The following IFT52 variants were observed in gnomAD, a reference collection of about 807,000 sequenced individuals.
IFT52 encodes intraflagellar transport protein 52 homolog.
IFT52 carries 44 observed loss-of-function variants against 54.4 expected under a neutral mutation model. That is an observed-to-expected ratio of 0.81 (90% CI 0.63 to 1.04). The LOEUF is 1.04. Ranked by LOEUF, IFT52 falls within the 50% of genes least tolerant of loss-of-function variation. The pLI, the probability that IFT52 is intolerant of heterozygous loss-of-function variation, is 0.00. For missense variants in IFT52, 452 were observed against 523.6 expected (o/e 0.86, Z 1.33); for synonymous variants, 181 against 185.3 (o/e 0.98, Z 0.19).
chr20:43,597,629 C>G (rs1357201847), intron 3 of IFT52, among the ~76,000 whole-genome samples: 7 of 152,090 alleles, frequency 4.6e-5, no homozygotes, highest in Non-Finnish European at 8.8e-5. Flanking sequence ...TGTGGTGGCC[C>G]ACGCCTGTAA....
At chr20:43,639,172 A>G (rs775940638) in intron 12 of IFT52, among the ~76,000 whole-genome samples, 5 of 151,278 alleles carry the variant, frequency 3.3e-5, no homozygotes, top group South Asian at 2.1e-4. Flanking sequence ...TGGTCCATCC[A>G]TCATTAGGGG....
chr20:43,604,836 G>A (rs984414172), intron 5 of IFT52, among the ~76,000 whole-genome samples, 166 bp from the exon 6 acceptor site: 8 of 151,908 alleles, frequency 5.3e-5, no homozygotes, highest in African/African-American at 1.9e-4. Context: ...GTCTTGCTCT[G>A]TTGCTCAGGC....
At position 43,591,014 on chromosome 20, in the gene IFT52, T is replaced by C. The variant is rs1483860358; in HGVS notation, c.-47T>C. The C allele has an allele frequency of 6.6e-6, 1 of 152,258 alleles. No homozygotes were observed. Among genetic ancestry groups the C allele is most frequent in the Non-Finnish European group, 1.5e-5 (1 of 68,062 alleles). 9.4% of individuals were successfully genotyped at this position (152,258 alleles called of 1,614,324 possible). On this transcript the variant is annotated 5_prime_UTR_variant, in exon 1 of 14. The change abolishes an upstream ATG in the 5' untranslated region. Transcript: ENST00000373030. ...CGGCCTTGGATACCTGGCCGCGGGA[T>C]GCTGGGCGGCGTCAGGTGAGCGGTG...
intron 10 of IFT52, among the ~76,000 whole-genome samples, chr20:43,624,446 C>T (rs1984575230): frequency 6.6e-6 from 1 of 152,116 alleles, no homozygotes. Context: ...ACTTAGAATG[C>T]AGGAAAAGGA....
intron 3 of IFT52, among the ~76,000 whole-genome samples, chr20:43,602,733 C>T (rs1039184637): frequency 4.6e-5 from 7 of 152,134 alleles, no homozygotes; most frequent in Non-Finnish European, 7.3e-5. Flanking sequence ...TGGTCTCGAA[C>T]TCCTCACCTC....
At chr20:43,633,666 C>T (rs1985331450) in intron 10 of IFT52, among the ~76,000 whole-genome samples, 1 of 152,038 alleles carries the variant, frequency 6.6e-6, no homozygotes, top group Non-Finnish European at 1.5e-5. Flanking sequence ...TGAGATTGCA[C>T]CACTGCACTC....
chr20:43,607,269 C>T (rs1982993277), intron 6 of IFT52, among the ~76,000 whole-genome samples: 1 of 151,510 alleles, frequency 6.6e-6, no homozygotes, highest in African/African-American at 2.4e-5. Flanking sequence ...GGGCTGACCC[C>T]CCCACCTCCC....
chr20:43,603,992 G>A lies in IFT52; in HGVS notation c.337+103G>A, dbSNP rs566458747. 3 of 973,370 alleles carry A rather than the reference G, an allele frequency of 3.1e-6. No individual in the cohort carries two copies. The East Asian group carries it at 7.5e-5, about 24-fold the overall frequency. 60.3% of individuals were successfully genotyped at this position (973,370 alleles called of 1,614,324 possible). A position where few individuals can be genotyped will look rare whatever the true frequency, so the allele number is the denominator to read the frequency against. ...GGCATAATGGAAAAAGCCCTGGGCT[G>A]TGTGTGCGTGTTTTAATGTTCCATT... On this transcript the variant is annotated intron_variant, in intron 4 of 13. Transcript: ENST00000373030.
chr20:43,591,991 G>T (rs1038087163), intron 1 of IFT52, among the ~76,000 whole-genome samples: 4 of 152,204 alleles, frequency 2.6e-5, no homozygotes, highest in Non-Finnish European at 5.9e-5. Flanking sequence ...TATAGGCGAG[G>T]TGGTACTGTA....
At chr20:43,610,968 T>G (rs1482853004) in intron 6 of IFT52, among the ~76,000 whole-genome samples, 7 of 152,198 alleles carry the variant, frequency 4.6e-5, no homozygotes, top group Non-Finnish European at 1.0e-4. Flanking sequence ...TGTTGGAAAA[T>G]TTCAGTAAGG....
At chr20:43,633,449 C>T (rs1013976454) in intron 10 of IFT52, among the ~76,000 whole-genome samples, 2 of 152,034 alleles carry the variant, frequency 1.3e-5, no homozygotes, top group African/African-American at 4.8e-5. Flanking sequence ...GTGGCTCACA[C>T]CTGTAATCCC....
Position 43,619,024 on chromosome 20 carries a change from A to C in IFT52, c.697A>C (p.Met233Leu). The C allele has an allele frequency of 1.2e-6, 2 of 1,600,236 alleles. No individual in the cohort carries two copies. Among genetic ancestry groups the C allele is most frequent in the South Asian group, 2.2e-5 (2 of 90,500 alleles). Residue 233 changes from methionine (M) to leucine (L), a missense_variant and splice_region_variant, in exon 8 of 14, where the codon ATG becomes CTG. Coordinates refer to ENST00000373030, the MANE Select transcript of IFT52 (RefSeq NM_016004.5). ...YLDKEENSKI[M>L]DVVFQWLTTG... ...GGACAAAGAAGAAAACAGCAAAATC[A>C]TGGTAAGCTTTTTCTTTTGTCATAT...
intron 6 of IFT52, among the ~76,000 whole-genome samples, chr20:43,605,701 T>G (rs1299862227): frequency 6.6e-6 from 1 of 152,196 alleles, no homozygotes; most frequent in Non-Finnish European, 1.5e-5. Flanking sequence ...TTAAGTAGTT[T>G]ATAATGTTTT....
chr20:43,612,297 G>T (rs2145618097), intron 6 of IFT52, among the ~76,000 whole-genome samples: 1 of 152,202 alleles, frequency 6.6e-6, no homozygotes, highest in South Asian at 2.1e-4. Context: ...AGGGTAGAAG[G>T]TGGAGTTTGG....
rs749598126 is a variant in IFT52, at chr20:43,646,940, A to G, written c.1271A>G (p.His424Arg). 6.2e-7 allele frequency: 1 copy of G among 1,613,624 alleles called. No individual in the cohort carries two copies. Among genetic ancestry groups the G allele is most frequent in the South Asian group, 1.1e-5 (1 of 91,076 alleles). ...GTGTCTTATTCTCTCATCCAGGAACATGACATCGATACAAGTGAAACAGCA... is the reference window on the plus strand; with the variant it reads ...GTGTCTTATTCTCTCATCCAGGAACGTGACATCGATACAAGTGAAACAGCA... ...VVEFKKLNQEHDIDTSETAFQ... is the reference protein window; with the variant it reads ...VVEFKKLNQERDIDTSETAFQ... The change falls in exon 14 of 14, where the codon CAT becomes CGT. Residue 424 changes from histidine (H) to arginine (R), a missense_variant. Transcript: ENST00000373030.
intron 10 of IFT52, among the ~76,000 whole-genome samples, chr20:43,630,792 G>T (rs1261689226): frequency 1.3e-5 from 2 of 152,204 alleles, no homozygotes; most frequent in Non-Finnish European, 2.9e-5. Flanking sequence ...TTTTGCATCT[G>T]TTCTTCCCTT....
At chr20:43,610,608 G>A (rs1295838548) in intron 6 of IFT52, among the ~76,000 whole-genome samples, 2 of 150,928 alleles carry the variant, frequency 1.3e-5, no homozygotes, top group South Asian at 2.1e-4. Context: ...GCGTGGTGGC[G>A]GGCACCTGTA....
chr20:43,617,324 T>G (rs1055844940), intron 7 of IFT52, among the ~76,000 whole-genome samples: 2 of 152,238 alleles, frequency 1.3e-5, no homozygotes, highest in Admixed American at 1.3e-4. Context: ...CATATTTTCA[T>G]ATTTATTTAT....
chr20:43,640,324 G>A (rs1180097174), intron 12 of IFT52, among the ~76,000 whole-genome samples: 1 of 152,112 alleles, frequency 6.6e-6, no homozygotes, highest in African/African-American at 2.4e-5. Context: ...GCCAGGCATG[G>A]TGGCAGGTGC....
Sources: gnomAD v4.1 joint callset for allele counts (sites outside exome capture counted in the v4.1 genomes callset) on GRCh38, gnomAD v4.1.1 for gene constraint, MANE v1.5 for transcripts, NCBI Gene and HGNC (gene_info 2026-07-23, HGNC 2026-07-21) for gene names.